DUOX1: variants seen among roughly 807,000 people sequenced by gnomAD.
DUOX1 encodes the protein dual oxidase 1, also known as NADPH thyroid oxidase 1.
DUOX1 carries 134 observed loss-of-function variants against 181.8 expected under a neutral mutation model. That is an observed-to-expected ratio of 0.74 (90% CI 0.64 to 0.85). The LOEUF (loss-of-function observed/expected upper bound fraction) is 0.85, where lower values mean the gene tolerates loss of function less well. DUOX1 is among the 40% of genes least tolerant of loss of function. DUOX1 has a pLI of 0.00. For missense variants in DUOX1, 1,814 were observed against 2,064.4 expected (o/e 0.88, Z 2.35); for synonymous variants, 798 against 832.5 (o/e 0.96, Z 0.71).
intron 10 of DUOX1, 119 bp from the exon 11 acceptor site, chr15:45,138,947 G>A (rs1896412314): frequency 2.1e-5 from 19 of 902,260 alleles, no homozygotes; most frequent in Non-Finnish European, 3.0e-5. Context: ...ACCGGTTTGG[G>A]AGCAAACAGC....
chr15:45,133,181 C>T (rs1394882681), intron 2 of DUOX1, among the ~76,000 whole-genome samples: 1 of 152,196 alleles, frequency 6.6e-6, no homozygotes, highest in African/African-American at 2.4e-5. Flanking sequence ...TGAGTGCTCC[C>T]TCCTGGACCC....
chr15:45,135,369 A>G (rs1012159679), intron 5 of DUOX1, 78 bp downstream of exon 5: 58 of 1,499,312 alleles, frequency 3.9e-5, no homozygotes, highest in Admixed American at 9.3e-5. Flanking sequence ...CAGGGCCTGG[A>G]GGGGAGAGGC....
rs990213501 is a variant in DUOX1 at position 45,135,668 on chromosome 15, G to A, written c.690G>A (p.Gly230=). ...CCACCGGGCAGAACGGGCCCCGGGG[G>A]CTGTACGGTGAGGCCACAGGGGCGG... The part of the protein sequence containing the change: ...DPATGQNGPR[G]LYAFGAERGN... Residue 230 remains glycine (G), a synonymous_variant, in exon 6 of 34, where the codon GGG becomes GGA. Transcript: ENST00000389037. The A allele has an allele frequency of 6.7e-6, 10 of 1,484,990 alleles. No homozygotes were observed. The highest frequency in any genetic ancestry group is 4.9e-5 in the East Asian group (2 of 40,422). The allele number at this position is 1,484,990 out of a possible 1,614,324, so 92.0% of individuals were successfully genotyped here.
chr15:45,132,301 CTCTCT>C (rs761312202), intron 2 of DUOX1, among the ~76,000 whole-genome samples: 2 of 152,198 alleles, frequency 1.3e-5, no homozygotes, highest in African/African-American at 2.4e-5. Context: ...TCTCTCTCCT[CTCTCT>C]TCTCTTGTTT....
rs201314048 is a variant in DUOX1 at position 45,135,290 on chromosome 15, C to T, written c.494C>T (p.Pro165Leu). ...CGGAGTCCCAGCAATCCCCGGGACC[C>T]GGTGAGGCGGGGAAGGCGGCGGGAA... ...TGRSPSNPRD[P>L]ANQVTGWLDG... Residue 165 changes from proline to leucine, a missense_variant and splice_region_variant, in exon 5 of 34, where the codon CCG becomes CTG. Pro to Leu is a moderately conservative substitution (Grantham distance 98). This residue lies in a region of DUOX1 where 320 missense variants were observed against 313.1 expected (regional missense o/e 1.02). Transcript: ENST00000389037. The T allele has an allele frequency of 3.6e-3, 5,737 of 1,605,852 alleles. 145 individuals are homozygous for T. The South Asian group carries it at 0.05, about 14-fold the overall frequency.
At chr15:45,134,063 T>C (rs1001010793) in intron 3 of DUOX1, 82 bp from the exon 4 acceptor site, 1 of 1,551,212 alleles carries the variant, frequency 6.4e-7, no homozygotes, top group African/African-American at 1.4e-5. Context: ...TTAGGATCCA[T>C]GACATGGAGG....
intron 21 of DUOX1, among the ~76,000 whole-genome samples, chr15:45,149,021 C>A (rs114507004): frequency 0.011 from 1,690 of 152,210 alleles, 36 homozygotes; most frequent in African/African-American, 0.039. Flanking sequence ...TACTTCCTGC[C>A]CCACCAGTGT....
At chr15:45,151,712 A>G in intron 23 of DUOX1, 162 bp from the exon 24 acceptor site, 1 of 704,044 alleles carries the variant, frequency 1.4e-6, no homozygotes, top group South Asian at 1.9e-5. Flanking sequence ...ATATAGCCTG[A>G]TGCGGTGAGG....
chr15:45,136,598 C>G lies in DUOX1; in HGVS notation c.995C>G (p.Thr332Ser). 6.2e-7 allele frequency: 1 copy of G among 1,614,110 alleles called. No individual in the cohort carries two copies. Among genetic ancestry groups the G allele is most frequent in the South Asian group, 1.1e-5 (1 of 91,076 alleles). Reference protein sequence around the residue: ...FVAASEQFLSTMVPPGVYMRN... With the variant: ...FVAASEQFLSSMVPPGVYMRN... The stretch of plus-strand genomic sequence containing the variant: ...GCGGCCTCTGAGCAGTTCCTGTCCA[C>G]CATGGTGCCCCCTGGCGTCTACATG... Residue 332 changes from threonine to serine, a missense_variant, in exon 9 of 34, where the codon ACC becomes AGC. Around this residue, in one of 5 missense-constraint regions of DUOX1, gnomAD observed 1,064 missense variants for 1,152.9 expected, o/e 0.92. Transcript: ENST00000389037.
rs1472180308 is a variant in DUOX1 at position 45,163,696 on chromosome 15, G to C, written c.4404+9G>C. On this transcript the variant is annotated intron_variant, in intron 32 of 33. Coordinates refer to ENST00000389037, the MANE Select transcript of DUOX1 (RefSeq NM_175940.3). ...TCAGGACCACTATGCTGGTATGTCA[G>C]GGCCCACCAGGAGGGTATGCGGGCC... The C allele has an allele frequency of 6.2e-7, 1 of 1,614,102 alleles. No individual in the cohort carries two copies. Among genetic ancestry groups the C allele is most frequent in the Non-Finnish European group, 8.5e-7 (1 of 1,179,992 alleles).
chr15:45,153,886 C>CAA (rs11306605), intron 26 of DUOX1, 65 bp from the exon 27 acceptor site: 113 of 1,152,134 alleles, frequency 9.8e-5, no homozygotes, highest in East Asian at 3.4e-4. Flanking sequence ...GACTCTGCCT[C>CAA]AAAAAAAAAA....
At chr15:45,147,311 G>A in intron 18 of DUOX1, 122 bp from the exon 19 acceptor site, 21 of 1,283,812 alleles carry the variant, frequency 1.6e-5, no homozygotes, top group Non-Finnish European at 2.3e-5. Flanking sequence ...CCACCATAAG[G>A]CCTCCTAGCA....
rs200903494 is a variant in DUOX1, at chr15:45,139,183, G to T, written c.1216+15G>T. On this transcript the variant is annotated intron_variant, in intron 11 of 33. Coordinates refer to ENST00000389037, the MANE Select transcript of DUOX1 (RefSeq NM_175940.3). ...AGATGTGCGGGGTGAGTCTGAGGCT[G>T]TCCCTGCAGGTTGTGAACTCCTGGC... 4 of 1,614,078 alleles carry T rather than the reference G, an allele frequency of 2.5e-6. No individual in the cohort carries two copies. The highest frequency in any genetic ancestry group is 3.4e-6 in the Non-Finnish European group (4 of 1,180,002).
At chr15:45,151,542 C>T (rs1896803196) in intron 23 of DUOX1, among the ~76,000 whole-genome samples, 1 of 152,098 alleles carries the variant, frequency 6.6e-6, no homozygotes, top group African/African-American at 2.4e-5. Context: ...CTTTGAGTCT[C>T]TAGTAAAGGC....
intron 24 of DUOX1, 38 bp downstream of exon 24, chr15:45,152,090 C>T (rs1210784938): frequency 6.2e-7 from 1 of 1,603,978 alleles, no homozygotes; most frequent in Non-Finnish European, 8.5e-7. Flanking sequence ...TGTCCCTAGG[C>T]TTGCAATGAG....
At chr15:45,141,224 T>C in intron 13 of DUOX1, 68 bp from the exon 14 acceptor site, 3 of 1,589,558 alleles carry the variant, frequency 1.9e-6, no homozygotes, top group East Asian at 4.5e-5. Context: ...CCTGGGTCCT[T>C]GGGCCTGGGG....
At chr15:45,133,994 C>G (rs1673442139) in intron 3 of DUOX1, 47 bp downstream of exon 3, 1 of 1,604,358 alleles carries the variant, frequency 6.2e-7, no homozygotes, top group South Asian at 1.1e-5. Flanking sequence ...CAGGGGGGTA[C>G]TGAGTGCTGC....
At chr15:45,161,649 A>C in intron 29 of DUOX1, 89 bp from the exon 30 acceptor site, 1 of 1,171,532 alleles carries the variant, frequency 8.5e-7, no homozygotes, top group Non-Finnish European at 1.2e-6. Flanking sequence ...TTCCAGAAGC[A>C]GAGCTGAGGC....
intron 15 of DUOX1, among the ~76,000 whole-genome samples, chr15:45,142,713 G>A (rs141927082): frequency 0.012 from 1,874 of 150,494 alleles, 31 homozygotes; most frequent in Non-Finnish European, 0.014. Context: ...CAACAAGAGC[G>A]AAACTCTGTC....
Sources: gnomAD v4.1 joint callset for allele counts (sites outside exome capture counted in the v4.1 genomes callset) on GRCh38, gnomAD v4.1.1 for gene constraint, gnomAD v4.1.1 regional missense constraint, MANE v1.5 for transcripts, NCBI Gene and HGNC (gene_info 2026-07-23, HGNC 2026-07-21) for gene names.